SHTN1: variants seen among roughly 807,000 people sequenced by gnomAD.
SHTN1 encodes shootin-1.
Under a neutral mutation model 83.1 loss-of-function variants are expected in SHTN1, and 42 were observed. That is an observed-to-expected ratio of 0.51 (90% CI 0.39 to 0.65). The LOEUF is 0.65. SHTN1 is among the 30% of genes least tolerant of loss of function. The probability of loss-of-function intolerance (pLI) is 0.00; values close to 1 mark genes in which losing one functional copy is unlikely to be tolerated. For missense variants in SHTN1, 622 were observed against 737.8 expected (o/e 0.84, Z 1.82); for synonymous variants, 224 against 247.7 (o/e 0.90, Z 0.90).
chr10:117,120,639 A>C (rs1334605020), intron 1 of SHTN1, among the ~76,000 whole-genome samples: 1 of 152,212 alleles, frequency 6.6e-6, no homozygotes, highest in Admixed American at 6.5e-5. Context: ...CACAAAAATT[A>C]AAAATAAAAA....
At chr10:116,948,778 C>T (rs1293428671) in intron 7 of SHTN1, 138 bp downstream of exon 7, 3 of 512,724 alleles carry the variant, frequency 5.9e-6, no homozygotes, top group Non-Finnish European at 6.1e-6. Context: ...ATGGGAGAGA[C>T]ACAATGCTAG....
intron 1 of SHTN1, among the ~76,000 whole-genome samples, chr10:117,088,624 C>T (rs541493780): frequency 2.2e-4 from 34 of 152,282 alleles, no homozygotes; most frequent in African/African-American, 8.2e-4. Flanking sequence ...GTCAATTTCA[C>T]GGCCACCCAT....
chr10:116,964,643 G>A (rs374160107), intron 3 of SHTN1, among the ~76,000 whole-genome samples: 6 of 152,170 alleles, frequency 3.9e-5, no homozygotes, highest in African/African-American at 1.4e-4. Context: ...TAGGAAAATC[G>A]GTGTGTCCTT....
intron 1 of SHTN1, among the ~76,000 whole-genome samples, chr10:116,981,755 A>G (rs1382977873): frequency 6.6e-6 from 1 of 152,222 alleles, no homozygotes; most frequent in Non-Finnish European, 1.5e-5. Context: ...TGAACAATAA[A>G]GGCTTATAAA....
intron 2 of SHTN1, among the ~76,000 whole-genome samples, chr10:116,973,578 G>A (rs1850692883): frequency 6.6e-6 from 1 of 152,190 alleles, no homozygotes; most frequent in African/African-American, 2.4e-5. Context: ...AATAGACAAT[G>A]TGTTCTCACA....
chr10:117,013,357 A>G (rs1441210487), intron 2 of SHTN1, among the ~76,000 whole-genome samples: 1 of 152,078 alleles, frequency 6.6e-6, no homozygotes. Flanking sequence ...TATTTTTAGT[A>G]GAGACAGGGT....
chr10:116,923,735 T>C (rs189414855), intron 11 of SHTN1, among the ~76,000 whole-genome samples: 8 of 152,250 alleles, frequency 5.3e-5, no homozygotes, highest in African/African-American at 1.7e-4. Flanking sequence ...TTTTAATTTT[T>C]TGCAGTGGTC....
chr10:117,091,407 C>G (rs1163670214), intron 1 of SHTN1, among the ~76,000 whole-genome samples: 1 of 152,206 alleles, frequency 6.6e-6, no homozygotes, highest in Non-Finnish European at 1.5e-5. Flanking sequence ...TGGAAATCCA[C>G]ATTTGACTTT....
intron 9 of SHTN1, among the ~76,000 whole-genome samples, chr10:116,939,238 T>C (rs1442878095): frequency 6.6e-5 from 10 of 152,208 alleles, no homozygotes; most frequent in Non-Finnish European, 8.8e-5. Flanking sequence ...GCAGCTAGTT[T>C]GGTGTCTGCC....
intron 1 of SHTN1, among the ~76,000 whole-genome samples, chr10:117,093,830 AT>A (rs1853469038): frequency 6.6e-6 from 1 of 152,136 alleles, no homozygotes; most frequent in Non-Finnish European, 1.5e-5. Flanking sequence ...CAGCAATATG[AT>A]TTTCTATACA....
chr10:117,031,282 A>G lies in SHTN1; in HGVS notation c.-123+17163T>C, dbSNP rs558480933. ...AATATCCTTCAAATGTGATGGACAA[A>G]TAAGCTTTCCCAGACAAACAAAAGC... On this transcript the variant is annotated intron_variant, in intron 2 of 17. Transcript: ENST00000392901. Among the ~76,000 whole-genome samples, 8 of 152,326 alleles carry G rather than the reference A, an allele frequency of 5.3e-5. No homozygotes were observed. In the East Asian group the frequency reaches 1.5e-3, roughly 29 times the overall value.
chr10:117,042,298 C>T (rs1267661992), intron 2 of SHTN1, among the ~76,000 whole-genome samples: 1 of 152,086 alleles, frequency 6.6e-6, no homozygotes, highest in Non-Finnish European at 1.5e-5. Flanking sequence ...ATAATCTGCT[C>T]CAACTGAATG....
intron 1 of SHTN1, among the ~76,000 whole-genome samples, chr10:117,088,226 T>C (rs1853378676): frequency 6.6e-6 from 1 of 152,206 alleles, no homozygotes; most frequent in South Asian, 2.1e-4. Flanking sequence ...GTGGATGCAC[T>C]ACACAGGAAT....
At chr10:116,915,156 C>T (rs1250578542) in intron 13 of SHTN1, among the ~76,000 whole-genome samples, 8 of 152,176 alleles carry the variant, frequency 5.3e-5, no homozygotes, top group Admixed American at 5.2e-4. Flanking sequence ...AATGAGACAA[C>T]AGCACCCCCA....
intron 1 of SHTN1, among the ~76,000 whole-genome samples, chr10:117,004,282 G>A (rs1445734024): frequency 1.3e-5 from 2 of 152,076 alleles, no homozygotes; most frequent in Admixed American, 6.6e-5. Context: ...TTTGGTTGTT[G>A]ATCTGGTTTG....
chr10:116,985,915 T>C (rs2133497792), intron 1 of SHTN1, among the ~76,000 whole-genome samples: 1 of 152,324 alleles, frequency 6.6e-6, no homozygotes, highest in East Asian at 1.9e-4. Flanking sequence ...TACTTGTTAA[T>C]TAAAGCATTT....
At chr10:116,989,987 A>T (rs1200147465) in intron 1 of SHTN1, among the ~76,000 whole-genome samples, 1 of 152,156 alleles carries the variant, frequency 6.6e-6, no homozygotes, top group Non-Finnish European at 1.5e-5. Flanking sequence ...TTGCAGACAC[A>T]ATCCTGGGAG....
At chr10:116,960,415 AG>A in intron 3 of SHTN1, 185 bp from the exon 4 acceptor site, 1 of 487,026 alleles carries the variant, frequency 2.1e-6, no homozygotes, top group Non-Finnish European at 3.7e-6. Flanking sequence ...GAATGTAGAA[AG>A]AAACAAGAAC....
intron 1 of SHTN1, among the ~76,000 whole-genome samples, chr10:117,090,260 C>T (rs950766251): frequency 3.9e-5 from 6 of 152,172 alleles, no homozygotes; most frequent in Non-Finnish European, 8.8e-5. Flanking sequence ...CGTGCTACAA[C>T]ATGGATGAAC....
Sources: gnomAD v4.1 joint callset for allele counts (sites outside exome capture counted in the v4.1 genomes callset) on GRCh38, gnomAD v4.1.1 for gene constraint, MANE v1.5 for transcripts, NCBI Gene and HGNC (gene_info 2026-07-23, HGNC 2026-07-21) for gene names.